HS6ST3: variants seen among roughly 807,000 people sequenced by gnomAD.
The protein encoded by HS6ST3 is heparan-sulfate 6-O-sulfotransferase 3.
A neutral mutation model predicts 36.7 loss-of-function variants in HS6ST3; 12 were observed. The ratio of observed to expected loss-of-function variants is 0.33; its 90% CI spans 0.21 to 0.53. The LOEUF (loss-of-function observed/expected upper bound fraction) is 0.53, where lower values mean the gene tolerates loss of function less well. Ranked by LOEUF, HS6ST3 falls within the 20% of genes least tolerant of loss-of-function variation. The pLI, the probability that HS6ST3 is intolerant of heterozygous loss-of-function variation, is 0.95. For missense variants in HS6ST3, 584 were observed against 640.9 expected, an observed-to-expected ratio of 0.91 and a Z score of 0.96; for synonymous variants, 240 against 257.5, an observed-to-expected ratio of 0.93 and a Z score of 0.65.
intron 1 of HS6ST3, among the ~76,000 whole-genome samples, chr13:96,165,480 A>G (rs988369284): frequency 1.3e-5 from 2 of 152,166 alleles, no homozygotes; most frequent in African/African-American, 4.8e-5. Flanking sequence ...TCCAGAAAGG[A>G]TGTGTTACTG....
intron 1 of HS6ST3, among the ~76,000 whole-genome samples, chr13:96,512,966 G>A (rs1177621749): frequency 1.3e-5 from 2 of 151,410 alleles, no homozygotes; most frequent in South Asian, 2.1e-4. Context: ...TTTTAAGGAC[G>A]GCATCATAGA....
intron 1 of HS6ST3, among the ~76,000 whole-genome samples, chr13:96,467,597 T>C (rs1003657848): frequency 2.0e-5 from 3 of 152,186 alleles, no homozygotes; most frequent in African/African-American, 7.2e-5. Flanking sequence ...AAGGAACCTA[T>C]AATCTAAAGG....
At chr13:96,149,878 A>G (rs2139322424) in intron 1 of HS6ST3, among the ~76,000 whole-genome samples, 1 of 152,344 alleles carries the variant, frequency 6.6e-6, no homozygotes, top group East Asian at 1.9e-4. Flanking sequence ...TGACTCAATT[A>G]ATTCTATAGA....
chr13:96,556,272 T>A (rs1325541649), intron 1 of HS6ST3, among the ~76,000 whole-genome samples: 1 of 152,186 alleles, frequency 6.6e-6, no homozygotes, highest in Non-Finnish European at 1.5e-5. Flanking sequence ...AATATTGGAA[T>A]AGCTTTAGGT....
rs1281148076 is a variant in HS6ST3, at chr13:96,154,598, T to C, written c.707+63029T>C. Among the ~76,000 whole-genome samples the C allele has an allele frequency of 6.0e-4, 91 of 151,936 alleles. 1 individual carries two copies. Among genetic ancestry groups the C allele is most frequent in the Non-Finnish European group, 2.7e-4 (18 of 67,884 alleles). ...AGTAAAAGAGATCGCCTCTTACAAATCAATAAAAAAGAAGCTTTAATAGAT... is the reference window on the plus strand; with the variant it reads ...AGTAAAAGAGATCGCCTCTTACAAACCAATAAAAAAGAAGCTTTAATAGAT... On this transcript the variant is annotated intron_variant, in intron 1 of 1. Transcript: ENST00000376705.
chr13:96,450,224 T>G (rs1452984180), intron 1 of HS6ST3, among the ~76,000 whole-genome samples: 1 of 152,182 alleles, frequency 6.6e-6, no homozygotes, highest in African/African-American at 2.4e-5. Flanking sequence ...AGTCATTTTT[T>G]GGGGGGATAT....
At chr13:96,496,364 C>CA (rs890697943) in intron 1 of HS6ST3, among the ~76,000 whole-genome samples, 1 of 152,162 alleles carries the variant, frequency 6.6e-6, no homozygotes, top group Admixed American at 6.5e-5. Flanking sequence ...TTTGTACACT[C>CA]ACGCTGCTTG....
chr13:96,365,074 C>A lies in HS6ST3; in HGVS notation c.707+273505C>A, dbSNP rs556187316. 2.3e-4 allele frequency among the ~76,000 whole-genome samples: 35 copies of A among 152,284 alleles called. No homozygotes were observed. In the South Asian group the frequency reaches 7.3e-3, roughly 32 times the overall value. On this transcript the variant is annotated intron_variant, in intron 1 of 1. Transcript: ENST00000376705. The stretch of plus-strand genomic sequence containing the variant: ...TCAAACTCTTAGATTCTTCCTTTCC[C>A]TCCAATGTGACCCAGTGGGGTTGGA...
intron 1 of HS6ST3, among the ~76,000 whole-genome samples, chr13:96,421,177 T>C (rs963044019): frequency 6.6e-6 from 1 of 152,218 alleles, no homozygotes; most frequent in African/African-American, 2.4e-5. Context: ...ATATTTATCA[T>C]TGAATTATTA....
intron 1 of HS6ST3, among the ~76,000 whole-genome samples, chr13:96,812,942 T>G (rs1878348874): frequency 1.3e-5 from 2 of 152,124 alleles, no homozygotes; most frequent in South Asian, 4.1e-4. Flanking sequence ...ATTATCAGCT[T>G]CCTATCATGA....
intron 1 of HS6ST3, among the ~76,000 whole-genome samples, chr13:96,256,187 A>G (rs1854297364): frequency 6.6e-6 from 1 of 152,214 alleles, no homozygotes; most frequent in African/African-American, 2.4e-5. Flanking sequence ...ATCAGGTGAT[A>G]TATGGTCACT....
At chr13:96,706,437 AT>A (rs1875427897) in intron 1 of HS6ST3, among the ~76,000 whole-genome samples, 5 of 145,294 alleles carry the variant, frequency 3.4e-5, no homozygotes, top group African/African-American at 1.0e-4. Flanking sequence ...ATATATATAT[AT>A]ATAATCAGGG....
chr13:96,679,245 T>C (rs767054839), intron 1 of HS6ST3, among the ~76,000 whole-genome samples: 9 of 151,610 alleles, frequency 5.9e-5, no homozygotes, highest in Non-Finnish European at 1.0e-4. Flanking sequence ...GTAGCATTTA[T>C]AGAATGCTAA....
chr13:96,691,588 C>A (rs565609661), intron 1 of HS6ST3, among the ~76,000 whole-genome samples: 4 of 151,262 alleles, frequency 2.6e-5, no homozygotes, highest in Non-Finnish European at 5.9e-5. Context: ...ATTTTTCTTT[C>A]TTTTCTCTTC....
intron 1 of HS6ST3, among the ~76,000 whole-genome samples, chr13:96,706,329 C>T (rs1431214819): frequency 6.8e-6 from 1 of 148,140 alleles, no homozygotes; most frequent in African/African-American, 2.5e-5. Flanking sequence ...TCAAAATCAA[C>T]AAACAAAATC....
intron 1 of HS6ST3, among the ~76,000 whole-genome samples, chr13:96,189,131 TAA>T (rs2054277741): frequency 6.6e-6 from 1 of 152,166 alleles, no homozygotes; most frequent in Admixed American, 6.6e-5. Context: ...ATAGGAATTA[TAA>T]GACTAAAATA....
intron 1 of HS6ST3, among the ~76,000 whole-genome samples, chr13:96,452,830 G>T (rs1254760691): frequency 2.6e-5 from 4 of 152,036 alleles, no homozygotes; most frequent in African/African-American, 9.7e-5. Context: ...CCCAGGGTGG[G>T]TTAGAGAATC....
intron 1 of HS6ST3, among the ~76,000 whole-genome samples, chr13:96,714,894 A>G (rs1177858098): frequency 6.6e-6 from 1 of 151,886 alleles, no homozygotes. Flanking sequence ...TGTTGTAGAG[A>G]CAGGGTCTTG....
chr13:96,781,873 G>A (rs562794967), intron 1 of HS6ST3, among the ~76,000 whole-genome samples: 1 of 152,068 alleles, frequency 6.6e-6, no homozygotes, highest in Non-Finnish European at 1.5e-5. Context: ...GTTATTGTTG[G>A]TGTTTATTGG....
Sources: gnomAD v4.1 joint callset for allele counts (sites outside exome capture counted in the v4.1 genomes callset) on GRCh38, gnomAD v4.1.1 for gene constraint, MANE v1.5 for transcripts, NCBI Gene and HGNC (gene_info 2026-07-23, HGNC 2026-07-21) for gene names.